The following CSMD3 variants were observed in gnomAD, a reference collection of about 807,000 sequenced individuals.
CSMD3 encodes CUB and sushi domain-containing protein 3.
A neutral mutation model predicts 435.2 loss-of-function variants in CSMD3; 177 were observed. The observed-to-expected ratio is 0.41, with a 90% CI of 0.36 to 0.46. The LOEUF (loss-of-function observed/expected upper bound fraction) is 0.46. CSMD3 is among the 20% of genes least tolerant of loss of function. The pLI, the probability that CSMD3 is intolerant of heterozygous loss-of-function variation, is 0.34. For synonymous variants in CSMD3, 1,656 were observed against 1,520.5 expected, an observed-to-expected ratio of 1.09 and a Z score of -2.07; for missense variants, 4,265 against 4,504.6, an observed-to-expected ratio of 0.95 and a Z score of 1.52.
intron 13 of CSMD3, among the ~76,000 whole-genome samples, chr8:112,755,284 T>C (rs892061973): frequency 2.0e-5 from 3 of 151,350 alleles, no homozygotes; most frequent in Non-Finnish European, 4.4e-5. Flanking sequence ...TGAGCCGAGA[T>C]TGCGCCACAG....
intron 13 of CSMD3, among the ~76,000 whole-genome samples, chr8:112,766,159 G>GA (rs796279180): frequency 6.6e-6 from 1 of 151,472 alleles, no homozygotes; most frequent in South Asian, 2.1e-4. Flanking sequence ...CTTTTTGAGG[G>GA]AAAAAATATA....
intron 32 of CSMD3, among the ~76,000 whole-genome samples, chr8:112,421,425 T>A (rs983839298): frequency 1.3e-5 from 2 of 151,504 alleles, no homozygotes; most frequent in African/African-American, 4.8e-5. Flanking sequence ...GTGCCTGTAG[T>A]CCCAGCTACT....
chr8:113,042,109 G>C (rs575103174), intron 5 of CSMD3, among the ~76,000 whole-genome samples: 1 of 152,070 alleles, frequency 6.6e-6, no homozygotes, highest in African/African-American at 2.4e-5. Context: ...TTCATGTCAT[G>C]AAACACTAGC....
chr8:112,495,522 T>C (rs572322774), intron 30 of CSMD3, among the ~76,000 whole-genome samples: 6 of 152,356 alleles, frequency 3.9e-5, no homozygotes, highest in Non-Finnish European at 8.8e-5. Context: ...GCCCTTATGT[T>C]ATTATTATGT....
chr8:112,651,682 C>T (rs1367456940), intron 18 of CSMD3, among the ~76,000 whole-genome samples: 8 of 151,964 alleles, frequency 5.3e-5, no homozygotes, highest in Non-Finnish European at 1.0e-4. Context: ...GGACTACAGG[C>T]ACATGCCACC....
intron 51 of CSMD3, 94 bp downstream of exon 51, chr8:112,305,913 G>A: frequency 9.7e-7 from 1 of 1,033,874 alleles, no homozygotes. Context: ...TTTCAGTTTA[G>A]GGATTGGTTT....
At chr8:113,341,076 C>G (rs1483609233) in intron 1 of CSMD3, among the ~76,000 whole-genome samples, 2 of 151,862 alleles carry the variant, frequency 1.3e-5, no homozygotes, top group Non-Finnish European at 2.9e-5. Context: ...TTTAATTGTA[C>G]ATATTTCAAG....
intron 20 of CSMD3, among the ~76,000 whole-genome samples, chr8:112,642,395 G>C (rs968226440): frequency 6.6e-6 from 1 of 152,144 alleles, no homozygotes; most frequent in African/African-American, 2.4e-5. Flanking sequence ...AATGTAGGCT[G>C]AATGACACTG....
chr8:113,381,234 A>T (rs1448459704), intron 1 of CSMD3, among the ~76,000 whole-genome samples: 1 of 152,206 alleles, frequency 6.6e-6, no homozygotes, highest in East Asian at 1.9e-4. Flanking sequence ...TTTTCATAGA[A>T]TAATTAAAGT....
chr8:112,503,646 GC>G (rs1371114667), intron 30 of CSMD3, 143 bp downstream of exon 30: 2 of 534,462 alleles, frequency 3.7e-6, no homozygotes, highest in Non-Finnish European at 6.4e-6. Flanking sequence ...CAGTGAGAAC[GC>G]TTTTATGAGA....
At chr8:112,951,855 C>T (rs1438099673) in intron 8 of CSMD3, among the ~76,000 whole-genome samples, 3 of 144,226 alleles carry the variant, frequency 2.1e-5, no homozygotes, top group African/African-American at 7.8e-5. Context: ...TCTAGAGGAG[C>T]CTACTAAAGA....
At chr8:113,355,722 T>TATATACA (rs1563737826) in intron 1 of CSMD3, among the ~76,000 whole-genome samples, 2 of 77,796 alleles carry the variant, frequency 2.6e-5, no homozygotes, top group African/African-American at 9.3e-5. Flanking sequence ...AGTTTTATTT[T>TATATACA]TATATATATA....
At chr8:113,289,162 A>G (rs1285808545) in intron 2 of CSMD3, among the ~76,000 whole-genome samples, 3 of 151,750 alleles carry the variant, frequency 2.0e-5, no homozygotes, top group African/African-American at 7.2e-5. Context: ...TCAAGTTTAA[A>G]TAAGTTAATA....
chr8:112,897,408 C>T (rs1342425292), intron 10 of CSMD3, among the ~76,000 whole-genome samples: 1 of 151,210 alleles, frequency 6.6e-6, no homozygotes, highest in African/African-American at 2.4e-5. Context: ...AGGAGGAAAT[C>T]ATTACTCTAA....
chr8:112,291,804 A>G (rs1819788977), intron 55 of CSMD3, 109 bp from the exon 56 acceptor site: 13 of 713,242 alleles, frequency 1.8e-5, no homozygotes, highest in Admixed American at 4.9e-5. Context: ...ATTTATTCAA[A>G]CAACCAGATT....
chr8:112,969,057 A>C (rs1218658834), intron 7 of CSMD3, among the ~76,000 whole-genome samples: 1 of 152,014 alleles, frequency 6.6e-6, no homozygotes, highest in East Asian at 1.9e-4. Context: ...CATAATAAGC[A>C]CCTAAAAATT....
At chr8:113,173,180 C>A (rs1036948381) in intron 4 of CSMD3, among the ~76,000 whole-genome samples, 1 of 152,088 alleles carries the variant, frequency 6.6e-6, no homozygotes, top group African/African-American at 2.4e-5. Context: ...ATACACAATG[C>A]ATGCATAACT....
intron 32 of CSMD3, among the ~76,000 whole-genome samples, chr8:112,461,177 A>G (rs1453821871): frequency 6.6e-6 from 1 of 152,258 alleles, no homozygotes; most frequent in East Asian, 1.9e-4. Context: ...TCGTTATACT[A>G]TCCTAAAACA....
At chr8:112,378,896 C>T (rs1829206641) in intron 38 of CSMD3, among the ~76,000 whole-genome samples, 1 of 151,392 alleles carries the variant, frequency 6.6e-6, no homozygotes, top group African/African-American at 2.4e-5. Flanking sequence ...TATACATGTA[C>T]AAAAACATCA....
Sources: gnomAD v4.1 joint callset for allele counts (sites outside exome capture counted in the v4.1 genomes callset) on GRCh38, gnomAD v4.1.1 for gene constraint, MANE v1.5 for transcripts, NCBI Gene and HGNC (gene_info 2026-07-23, HGNC 2026-07-21) for gene names.